NCF2: variants seen among roughly 807,000 people sequenced by gnomAD.
NCF2 encodes neutrophil cytosol factor 2.
NCF2 carries 45 observed loss-of-function variants against 70.9 expected under a neutral mutation model. The observed-to-expected ratio is 0.63, with a 90% CI of 0.50 to 0.81. NCF2 has a LOEUF of 0.81. Ranked by LOEUF, NCF2 falls within the 40% of genes least tolerant of loss-of-function variation. The pLI, the probability that NCF2 is intolerant of heterozygous loss-of-function variation, is 0.00. For missense variants in NCF2, 522 were observed against 631.6 expected (o/e 0.83, Z 1.86); for synonymous variants, 203 against 233.6 (o/e 0.87, Z 1.19).
In NCF2 at chr1:183,560,265, T is replaced by G; in HGVS notation, c.1299A>C (p.Gln433His). 1 of 1,614,190 alleles carries G rather than the reference T, an allele frequency of 6.2e-7. No homozygotes were observed. The highest frequency in any genetic ancestry group is 1.3e-5 in the African/African-American group (1 of 75,044). Residue 433 changes from glutamine (Q) to histidine (H), a missense_variant, in exon 14 of 15, where the codon CAA (glutamine) becomes CAC (histidine). Gln to His is a conservative substitution (Grantham distance 24). Coordinates refer to ENST00000367535, the MANE Select transcript of NCF2 (RefSeq NM_000433.4). ...TLWCENTVGD[Q>H]GFPDEPKESE... Reference sequence around the variant, plus strand: ...TTTCCTTGGGTTCATCTGGAAAGCCTTGGTCACCCTGAAATAATAAAGGGC... The same window carrying G: ...TTTCCTTGGGTTCATCTGGAAAGCCGTGGTCACCCTGAAATAATAAAGGGC...
rs1236253678 is a variant in NCF2 at position 183,583,106 on chromosome 1, G to A, written c.257+3789C>T. 2.6e-5 allele frequency among the ~76,000 whole-genome samples: 4 copies of A among 152,122 alleles called. No individual in the cohort carries two copies. In the South Asian group the frequency reaches 6.2e-4, roughly 24 times the overall value. On this transcript the variant is annotated intron_variant, in intron 2 of 14. Transcript: ENST00000367535. ...CTTGCTCTGTTGCCCAGGTTGGAGT[G>A]CAGTGGTGTTATCTCGGTTCACTGC...
At position 183,581,754 on chromosome 1, in the gene NCF2, C is replaced by T. The variant is rs35916153; in HGVS notation, c.258-4047G>A. On this transcript the variant is annotated intron_variant, in intron 2 of 14. Coordinates refer to ENST00000367535, the MANE Select transcript of NCF2 (RefSeq NM_000433.4). ...CGCGATCTCGGCTCACTGGAAGCTC[C>T]GCCTCCCGGTTCACGCCATTCTCCT... Among the ~76,000 whole-genome samples, 481 of 152,032 alleles carry T rather than the reference C, an allele frequency of 3.2e-3. 3 individuals are homozygous for T. Among genetic ancestry groups the T allele is most frequent in the African/African-American group, 0.01 (426 of 41,504 alleles).
Position 183,574,468 on chromosome 1 carries a change from G to C in NCF2, c.501+19C>G, listed in dbSNP as rs199846623. The C allele has an allele frequency of 6.8e-6, 11 of 1,613,940 alleles. No individual in the cohort carries two copies. The highest frequency in any genetic ancestry group is 8.5e-6 in the Non-Finnish European group (10 of 1,179,948). ...ATCCAGTGACATCCTCTCAACACCTGCATCACCAATACGCTTACCCAGACA... is the reference window on the plus strand; with the variant it reads ...ATCCAGTGACATCCTCTCAACACCTCCATCACCAATACGCTTACCCAGACA... On this transcript the variant is annotated intron_variant, in intron 4 of 14. Transcript: ENST00000367535.
intron 2 of NCF2, among the ~76,000 whole-genome samples, chr1:183,578,600 G>T (rs904137400): frequency 6.6e-6 from 1 of 152,146 alleles, no homozygotes; most frequent in South Asian, 2.1e-4. Context: ...TCCTGACCTC[G>T]ACTGATCTGC....
At chr1:183,599,961 G>A in the NCF2 span, among the ~76,000 whole-genome samples, 1 of 152,120 alleles carries the variant, frequency 6.6e-6, no homozygotes, top group African/African-American at 2.4e-5. Context: ...AATTTACTTG[G>A]CTAAATATTA....
chr1:183,562,931 C>G (rs1441436580), intron 13 of NCF2, among the ~76,000 whole-genome samples: 2 of 151,976 alleles, frequency 1.3e-5, no homozygotes, highest in Admixed American at 6.6e-5. Context: ...TTGACACAGT[C>G]AGGCAGGGAG....
upstream of NCF2, among the ~76,000 whole-genome samples, chr1:183,594,167 A>G (rs1427999047): frequency 2.0e-5 from 3 of 152,180 alleles, no homozygotes; most frequent in Non-Finnish European, 2.9e-5. Context: ...TGTAATCCCA[A>G]CACTTAGGTG....
chr1:183,586,622 T>C lies in NCF2; in HGVS notation c.257+273A>G, dbSNP rs789190. Among the ~76,000 whole-genome samples the C allele has an allele frequency of 0.97, 148,159 of 152,218 alleles. 72,122 individuals are homozygous for C. The highest frequency in any genetic ancestry group is 1 in the East Asian group (5,142 of 5,146). On this transcript the variant is annotated intron_variant, in intron 2 of 14. Transcript: ENST00000367535. ...CCCCATCAGGGACACTGGTGGGGTG[T>C]CACACCAGCTGAGTATCAGGCCCAT...
the NCF2 span, among the ~76,000 whole-genome samples, chr1:183,596,854 T>C: frequency 0.38 from 58,475 of 152,076 alleles, 11,412 homozygotes; most frequent in Middle Eastern, 0.44. Context: ...TCTTCCCTGA[T>C]GTAAGTTAGT....
chr1:183,585,306 T>C (rs1673293060), intron 2 of NCF2, among the ~76,000 whole-genome samples: 2 of 152,068 alleles, frequency 1.3e-5, no homozygotes, highest in African/African-American at 2.4e-5. Flanking sequence ...ACCCACACCA[T>C]GCACAGATCA....
intron 6 of NCF2, 128 bp from the exon 7 acceptor site, chr1:183,569,313 G>C: frequency 1.1e-6 from 1 of 882,784 alleles, no homozygotes; most frequent in East Asian, 2.4e-5. Context: ...ATTTCTGACT[G>C]ATGAGAACAC....
rs1410487604 is a variant in NCF2 at position 183,574,519 on chromosome 1, A to T, written c.469T>A (p.Ser157Thr). ...ATSMKSEPRH[S>T]KIDKAMECVW... The stretch of plus-strand genomic sequence containing the variant: ...CACTCCATCGCCTTGTCGATTTTGG[A>T]ATGTCTGGGCTCAGACTTCATGCTC... Residue 157 changes from serine to threonine, a missense_variant, in exon 4 of 15, where the codon TCC becomes ACC. Physicochemically the swap from Ser to Thr is moderately conservative, Grantham distance 58. Transcript: ENST00000367535. The T allele has an allele frequency of 6.2e-7, 1 of 1,614,204 alleles. No homozygotes were observed. The highest frequency in any genetic ancestry group is 1.7e-5 in the Admixed American group (1 of 60,022).
chr1:183,598,055 T>C, the NCF2 span: 10 of 152,322 alleles, frequency 6.6e-5, no homozygotes, highest in Non-Finnish European at 1.0e-4. Context: ...TGCAGTTCTA[T>C]CATGCTGTGC....
At chr1:183,589,832 CAGA>C (rs1472450032) in intron 1 of NCF2, among the ~76,000 whole-genome samples, 13 of 152,186 alleles carry the variant, frequency 8.5e-5, no homozygotes, top group Admixed American at 6.5e-4. Context: ...ATTCTGTGCC[CAGA>C]AGGAGTTCTG....
In NCF2 at chr1:183,560,276, G is replaced by A. The variant is rs1671983911; in HGVS notation, c.1291-3C>T. Reference sequence around the variant, plus strand: ...TCATCTGGAAAGCCTTGGTCACCCTGAAATAATAAAGGGCCTGTTAATTTT... The same window carrying A: ...TCATCTGGAAAGCCTTGGTCACCCTAAAATAATAAAGGGCCTGTTAATTTT... On this transcript the variant is annotated splice_region_variant and splice_polypyrimidine_tract_variant and intron_variant, in intron 13 of 14. Transcript: ENST00000367535. The A allele has an allele frequency of 6.2e-7, 1 of 1,614,136 alleles. No individual in the cohort carries two copies. The highest frequency in any genetic ancestry group is 1.6e-4 in the Middle Eastern group (1 of 6,062).
intron 2 of NCF2, among the ~76,000 whole-genome samples, chr1:183,578,259 GTCT>G (rs1388571231): frequency 1.3e-5 from 2 of 151,594 alleles, no homozygotes; most frequent in East Asian, 1.9e-4. Context: ...TGGTTTTGTG[GTCT>G]TCTTTGTTTC....
chr1:183,575,969 C>T (rs770858291), intron 3 of NCF2, among the ~76,000 whole-genome samples: 26 of 152,186 alleles, frequency 1.7e-4, no homozygotes, highest in Non-Finnish European at 3.4e-4. Flanking sequence ...CTTCTCCAGC[C>T]CACTCCTGAC....
rs1672174410 is a variant in NCF2 at position 183,563,595 on chromosome 1, G to A, written c.1027-10C>T. 6.2e-7 allele frequency: 1 copy of A among 1,613,006 alleles called. No individual in the cohort carries two copies. Among genetic ancestry groups the A allele is most frequent in the Non-Finnish European group, 8.5e-7 (1 of 1,180,006 alleles). On this transcript the variant is annotated splice_polypyrimidine_tract_variant and intron_variant, in intron 11 of 14. Coordinates refer to ENST00000367535, the MANE Select transcript of NCF2 (RefSeq NM_000433.4). ...CACTGAGCTTCACTTCCTGAGTGGG[G>A]AGGAAACAAAGGGAACTCCTGAGTG...
the NCF2 span, among the ~76,000 whole-genome samples, chr1:183,597,468 T>TA: frequency 2.0e-5 from 3 of 152,144 alleles, no homozygotes; most frequent in Non-Finnish European, 4.4e-5. Context: ...CAGAATTTTT[T>TA]AAAAAAATTT....
Sources: allele counts gnomAD v4.1 joint callset (sites outside exome capture counted in the v4.1 genomes callset), GRCh38; gene constraint gnomAD v4.1.1; transcripts MANE v1.5; gene names NCBI Gene and HGNC (gene_info 2026-07-23, HGNC 2026-07-21).